Variants in RBMS3 observed in about 807,000 individuals in gnomAD.
RBMS3 encodes RNA binding motif single stranded interacting protein 3.
A neutral mutation model predicts 66.8 loss-of-function variants in RBMS3; 27 were observed. The ratio of observed to expected loss-of-function variants is 0.40; its 90% CI spans 0.30 to 0.56. RBMS3 has a LOEUF of 0.56. RBMS3 is among the 20% of genes least tolerant of loss of function. RBMS3 has a pLI of 0.40. For synonymous variants in RBMS3, 188 were observed against 183.0 expected, an observed-to-expected ratio of 1.03 and a Z score of -0.22; for missense variants, 513 against 549.5, an observed-to-expected ratio of 0.93 and a Z score of 0.66.
chr3:29,288,414 G>A (rs1177845680), intron 1 of RBMS3, among the ~76,000 whole-genome samples: 2 of 151,978 alleles, frequency 1.3e-5, no homozygotes, highest in South Asian at 2.1e-4. Flanking sequence ...TTGGGAGTGG[G>A]TGGATAGAAG....
At chr3:29,592,349 A>T (rs2047771012) in intron 4 of RBMS3, among the ~76,000 whole-genome samples, 1 of 152,152 alleles carries the variant, frequency 6.6e-6, no homozygotes, top group South Asian at 2.1e-4. Flanking sequence ...TGGGTGAAGG[A>T]TATGAACAGA....
At chr3:29,850,542 G>A (rs1488552768) in intron 6 of RBMS3, among the ~76,000 whole-genome samples, 1 of 152,008 alleles carries the variant, frequency 6.6e-6, no homozygotes, top group East Asian at 1.9e-4. Context: ...ATAATTGAAG[G>A]AAATTTCTAT....
chr3:29,441,376 T>C (rs911553164), intron 2 of RBMS3, among the ~76,000 whole-genome samples: 12 of 152,348 alleles, frequency 7.9e-5, no homozygotes, highest in African/African-American at 2.9e-4. Context: ...GTTATATTTA[T>C]ATATTTACAT....
chr3:29,806,266 TG>T (rs1458176539), intron 6 of RBMS3, among the ~76,000 whole-genome samples: 1 of 152,024 alleles, frequency 6.6e-6, no homozygotes, highest in Non-Finnish European at 1.5e-5. Context: ...TATTTATTAT[TG>T]TTTTTATGTC....
chr3:29,914,506 G>C (rs973583607), intron 10 of RBMS3, among the ~76,000 whole-genome samples: 4 of 151,814 alleles, frequency 2.6e-5, no homozygotes, highest in African/African-American at 9.7e-5. Flanking sequence ...GCAATAGCTA[G>C]TGTTGTGCAT....
chr3:29,858,285 A>G (rs1450106834), intron 6 of RBMS3, among the ~76,000 whole-genome samples: 1 of 152,146 alleles, frequency 6.6e-6, no homozygotes, highest in African/African-American at 2.4e-5. Flanking sequence ...CCTCTTTCTA[A>G]TAAAAAATTT....
At chr3:29,850,145 T>C (rs937738453) in intron 6 of RBMS3, among the ~76,000 whole-genome samples, 1 of 152,072 alleles carries the variant, frequency 6.6e-6, no homozygotes, top group African/African-American at 2.4e-5. Context: ...CAAGTTTCTG[T>C]GGAGACTGAG....
intron 1 of RBMS3, among the ~76,000 whole-genome samples, chr3:29,434,404 G>A (rs912800023): frequency 6.6e-6 from 1 of 152,142 alleles, no homozygotes; most frequent in Non-Finnish European, 1.5e-5. Flanking sequence ...TGCCAAAAGT[G>A]ACTGTTTTAT....
chr3:29,750,681 T>G (rs2055135833), intron 5 of RBMS3, among the ~76,000 whole-genome samples: 1 of 152,164 alleles, frequency 6.6e-6, no homozygotes, highest in Non-Finnish European at 1.5e-5. Flanking sequence ...TTAGTTATTT[T>G]TCTGATCCTC....
Position 29,747,386 on chromosome 3 carries a change from GTAGGTAGATAGATAGA to G in RBMS3, c.557+7513_557+7528del, listed in dbSNP as rs1454988308. Among the ~76,000 whole-genome samples, 1,017 of 140,568 alleles carry G rather than the reference GTAGGTAGATAGATAGA, an allele frequency of 7.2e-3. 3 individuals are homozygous for G. Among genetic ancestry groups the G allele is most frequent in the Non-Finnish European group, 0.01 (666 of 65,412 alleles). 92.2% of individuals were successfully genotyped at this position (140,568 alleles called of 152,430 possible). ...TCTATCTATCTATCTAGGTAGGTAGGTAGGTAGATAGATAGATAGATAGATAGATAGATAGATAGAT... is the reference window on the plus strand; with the variant it reads ...TCTATCTATCTATCTAGGTAGGTAGGTAGATAGATAGATAGATAGATAGAT... On this transcript the variant is annotated intron_variant, in intron 5 of 14. Transcript: ENST00000383767.
At position 29,873,768 on chromosome 3, in the gene RBMS3, C is replaced by T. The variant is rs114842255; in HGVS notation, c.744+4804C>T. Among the ~76,000 whole-genome samples the T allele has an allele frequency of 8.7e-3, 1,318 of 152,148 alleles. 16 individuals carry two copies. Among genetic ancestry groups the T allele is most frequent in the African/African-American group, 0.03 (1,265 of 41,494 alleles). On this transcript the variant is annotated intron_variant, in intron 7 of 14. Transcript: ENST00000383767. ...TATTTTGAGCTATGTTCCTTCAAAA[C>T]CTTGTTTATTGAGAGTTTTTAAGAT... is the stretch of plus-strand genomic sequence containing the variant.
At chr3:29,535,195 G>A (rs887835952) in intron 3 of RBMS3, among the ~76,000 whole-genome samples, 4 of 152,050 alleles carry the variant, frequency 2.6e-5, no homozygotes, top group Non-Finnish European at 4.4e-5. Context: ...AAGTTTGAAT[G>A]GAAGCAATAA....
intron 12 of RBMS3, among the ~76,000 whole-genome samples, chr3:29,971,323 T>C (rs1187690921): frequency 6.6e-6 from 1 of 152,164 alleles, no homozygotes; most frequent in African/African-American, 2.4e-5. Context: ...TGATGGAAGA[T>C]CTTACTTATA....
chr3:29,411,664 C>T (rs1214104063), intron 1 of RBMS3, among the ~76,000 whole-genome samples: 1 of 152,032 alleles, frequency 6.6e-6, no homozygotes, highest in Non-Finnish European at 1.5e-5. Flanking sequence ...ATAATTACAC[C>T]CTTGTCCATA....
At chr3:29,397,637 C>T (rs1281636037) in intron 1 of RBMS3, among the ~76,000 whole-genome samples, 1 of 152,140 alleles carries the variant, frequency 6.6e-6, no homozygotes, top group Non-Finnish European at 1.5e-5. Flanking sequence ...TGTCCTTCTT[C>T]TCCCATCCTT....
At chr3:29,491,856 G>C (rs1199104010) in intron 3 of RBMS3, among the ~76,000 whole-genome samples, 2 of 152,166 alleles carry the variant, frequency 1.3e-5, no homozygotes, top group South Asian at 4.1e-4. Flanking sequence ...AGCCGGGCGT[G>C]GTGGCGGGTG....
At chr3:29,995,675 T>C (rs1400298623) in intron 14 of RBMS3, among the ~76,000 whole-genome samples, 1 of 152,100 alleles carries the variant, frequency 6.6e-6, no homozygotes, top group Non-Finnish European at 1.5e-5. Flanking sequence ...CTAAGCTTCA[T>C]AAGTGAAGGA....
intron 7 of RBMS3, among the ~76,000 whole-genome samples, chr3:29,870,176 C>T (rs972895800): frequency 2.0e-5 from 3 of 152,046 alleles, no homozygotes; most frequent in Admixed American, 1.3e-4. Flanking sequence ...GTGGGTATTA[C>T]GTTCTAAAAA....
chr3:29,417,345 G>A (rs888236842), intron 1 of RBMS3, among the ~76,000 whole-genome samples: 2 of 151,784 alleles, frequency 1.3e-5, no homozygotes, highest in African/African-American at 2.4e-5. Flanking sequence ...GGGTTCAGGG[G>A]ACACCTTAAT....
Sources: allele counts gnomAD v4.1 joint callset (sites outside exome capture counted in the v4.1 genomes callset), GRCh38; gene constraint gnomAD v4.1.1; transcripts MANE v1.5; gene names NCBI Gene and HGNC (gene_info 2026-07-23, HGNC 2026-07-21).